Variants in CCDC60 observed in about 807,000 individuals in gnomAD.
CCDC60 encodes coiled-coil domain-containing protein 60.
In CCDC60, 54 loss-of-function variants were observed where a neutral mutation model predicts 63.5. That is an observed-to-expected ratio of 0.85 (90% CI 0.68 to 1.07). The LOEUF (loss-of-function observed/expected upper bound fraction) is 1.07, where lower values mean the gene tolerates loss of function less well. Ranked by LOEUF, CCDC60 falls within the 50% of genes least tolerant of loss-of-function variation. CCDC60 has a pLI of 0.00. For synonymous variants in CCDC60, 206 were observed against 238.8 expected (o/e 0.86, Z 1.27); for missense variants, 651 against 684.3 (o/e 0.95, Z 0.54).
chr12:119,538,277 C>T (rs961163131), intron 13 of CCDC60, among the ~76,000 whole-genome samples: 1 of 152,198 alleles, frequency 6.6e-6, no homozygotes, highest in Admixed American at 6.5e-5. Context: ...TGGAAAAGCA[C>T]AGTATTTGGG....
intron 1 of CCDC60, among the ~76,000 whole-genome samples, chr12:119,381,558 C>T (rs1362998695): frequency 6.6e-6 from 1 of 152,200 alleles, no homozygotes; most frequent in African/African-American, 2.4e-5. Context: ...TATCCTGATA[C>T]TCAGACTCAG....
At chr12:119,527,543 G>T (rs968433323) in intron 11 of CCDC60, among the ~76,000 whole-genome samples, 2 of 152,042 alleles carry the variant, frequency 1.3e-5, no homozygotes, top group Non-Finnish European at 2.9e-5. Context: ...TGTGGCTGGG[G>T]CATACAGTGT....
chr12:119,444,391 C>G (rs551554212), intron 2 of CCDC60, among the ~76,000 whole-genome samples: 2 of 152,132 alleles, frequency 1.3e-5, no homozygotes, highest in East Asian at 3.9e-4. Context: ...CTCATAGTCT[C>G]GTCACTGGGA....
chr12:119,440,135 A>G (rs1314740694), intron 2 of CCDC60, among the ~76,000 whole-genome samples: 1 of 152,192 alleles, frequency 6.6e-6, no homozygotes, highest in Non-Finnish European at 1.5e-5. Flanking sequence ...CCTAGATGAC[A>G]GGTTGATAGG....
chr12:119,521,853 A>T (rs1409564800), intron 9 of CCDC60, among the ~76,000 whole-genome samples: 1 of 152,210 alleles, frequency 6.6e-6, no homozygotes, highest in Admixed American at 6.5e-5. Context: ...GGATTAGGGC[A>T]GCTGGTTGGA....
Position 119,465,268 on chromosome 12 carries a change from C to T in CCDC60, c.171-6726C>T, listed in dbSNP as rs377545371. 2.0e-5 allele frequency among the ~76,000 whole-genome samples: 3 copies of T among 151,798 alleles called. 1 individual carries two copies. The highest frequency in any genetic ancestry group is 1.3e-4 in the Admixed American group (2 of 15,240). ...GGCGGAGGTTGCAGTGAGCCGAGAT[C>T]GCACCACTGCACTCCAGCCTGGGTG... On this transcript the variant is annotated intron_variant, in intron 2 of 13. Transcript: ENST00000327554.
At chr12:119,468,900 C>A (rs1951003607) in intron 2 of CCDC60, among the ~76,000 whole-genome samples, 1 of 151,198 alleles carries the variant, frequency 6.6e-6, no homozygotes, top group South Asian at 2.1e-4. Context: ...ACAGTGAGAC[C>A]CCCATCTCTA....
At chr12:119,358,665 C>A (rs1199331307) in intron 1 of CCDC60, among the ~76,000 whole-genome samples, 3 of 152,158 alleles carry the variant, frequency 2.0e-5, no homozygotes, top group African/African-American at 7.2e-5. Flanking sequence ...TTGCCTGTTT[C>A]TTGAATATCA....
intron 1 of CCDC60, among the ~76,000 whole-genome samples, chr12:119,390,910 C>T (rs950953591): frequency 6.6e-5 from 10 of 152,224 alleles, no homozygotes; most frequent in African/African-American, 2.4e-4. Flanking sequence ...GCAGTGCTTC[C>T]AGGCGGGGCA....
At chr12:119,462,739 G>A (rs1400529196) in intron 2 of CCDC60, among the ~76,000 whole-genome samples, 1 of 152,130 alleles carries the variant, frequency 6.6e-6, no homozygotes, top group Non-Finnish European at 1.5e-5. Flanking sequence ...TCCTGCCTCA[G>A]CCTTTCAAGT....
Position 119,530,913 on chromosome 12 carries a change from G to C in CCDC60, c.1401G>C (p.Lys467Asn). The C allele has an allele frequency of 4.3e-6, 7 of 1,614,126 alleles. No homozygotes were observed. The highest frequency in any genetic ancestry group is 5.9e-6 in the Non-Finnish European group (7 of 1,179,990). Residue 467 changes from lysine (K) to asparagine (N), a missense_variant, in exon 13 of 14, where the codon AAG becomes AAC. By Grantham distance (94) the Lys-to-Asn change is moderately conservative (BLOSUM62 0). Transcript: ENST00000327554. The part of the protein sequence containing the change: ...DLLSKLPEDL[K>N]NFRPAKKILV... ...TGTCCAAACTGCCAGAGGATCTAAAGAACTTCCGCCCCGCCAAAAAGATCC... is the reference window on the plus strand; with the variant it reads ...TGTCCAAACTGCCAGAGGATCTAAACAACTTCCGCCCCGCCAAAAAGATCC...
intron 1 of CCDC60, among the ~76,000 whole-genome samples, chr12:119,356,064 T>G (rs1434590201): frequency 6.6e-6 from 1 of 152,252 alleles, no homozygotes; most frequent in East Asian, 1.9e-4. Context: ...TTGAACAAAT[T>G]AATGCAACAT....
intron 1 of CCDC60, among the ~76,000 whole-genome samples, chr12:119,345,982 ATT>A (rs768961316): frequency 1.3e-4 from 15 of 118,664 alleles, no homozygotes; most frequent in East Asian, 2.5e-4. Flanking sequence ...TACCCAGCTG[ATT>A]TTTTTTTTTT....
chr12:119,390,212 A>G (rs1198953014), intron 1 of CCDC60, among the ~76,000 whole-genome samples: 2 of 152,066 alleles, frequency 1.3e-5, no homozygotes, highest in Admixed American at 1.3e-4. Context: ...CGCCCAGAAC[A>G]TTCCCTTAAT....
intron 1 of CCDC60, among the ~76,000 whole-genome samples, chr12:119,341,113 T>G (rs574582180): frequency 2.6e-5 from 4 of 152,304 alleles, no homozygotes; most frequent in African/African-American, 9.6e-5. Context: ...TTGTTTTGTT[T>G]TGTTATCTTT....
intron 1 of CCDC60, among the ~76,000 whole-genome samples, chr12:119,360,965 C>T (rs905070971): frequency 6.6e-6 from 1 of 152,128 alleles, no homozygotes; most frequent in African/African-American, 2.4e-5. Context: ...GAAACCCCGT[C>T]TCCACCAAAA....
intron 10 of CCDC60, 149 bp from the exon 11 acceptor site, chr12:119,523,544 G>A: frequency 1.1e-6 from 1 of 939,222 alleles, no homozygotes; most frequent in South Asian, 1.7e-5. Flanking sequence ...TGCTTAGGGA[G>A]GCTCCAGGTG....
At chr12:119,416,899 T>C (rs1253597063) in intron 1 of CCDC60, among the ~76,000 whole-genome samples, 6 of 152,134 alleles carry the variant, frequency 3.9e-5, no homozygotes, top group Non-Finnish European at 8.8e-5. Flanking sequence ...GATGGGCAGA[T>C]CACCTGAGGC....
intron 10 of CCDC60, 26 bp downstream of exon 10, chr12:119,523,027 A>G: frequency 6.2e-7 from 1 of 1,604,742 alleles, no homozygotes; most frequent in Non-Finnish European, 8.5e-7. Flanking sequence ...AATGGAAGGA[A>G]CCACGCAAGA....
Sources: allele counts gnomAD v4.1 joint callset (sites outside exome capture counted in the v4.1 genomes callset), GRCh38; gene constraint gnomAD v4.1.1; transcripts MANE v1.5; gene names NCBI Gene and HGNC (gene_info 2026-07-23, HGNC 2026-07-21).